Variants in ARID1B observed in about 807,000 individuals in gnomAD.
The protein encoded by ARID1B is AT-rich interactive domain-containing protein 1B.
In ARID1B, 30 loss-of-function variants were observed where a neutral mutation model predicts 212.3. That is an observed-to-expected ratio of 0.14 (90% CI 0.11 to 0.19). The LOEUF is 0.19. Ranked by LOEUF, ARID1B falls within the 10% of genes least tolerant of loss-of-function variation. The pLI is 1.00. For missense variants in ARID1B, 2,891 were observed against 3,204.0 expected (o/e 0.90, Z 2.36); for synonymous variants, 1,402 against 1,301.7 (o/e 1.08, Z -1.66).
chr6:156,917,580 G>C (rs1258133535), intron 3 of ARID1B, among the ~76,000 whole-genome samples: 1 of 152,208 alleles, frequency 6.6e-6, no homozygotes, highest in African/African-American at 2.4e-5. Flanking sequence ...CTGGGATAGG[G>C]CCAGTTCCTT....
At position 157,209,315 on chromosome 6, in the gene ARID1B, G is replaced by C. The variant is rs1794665921; in HGVS notation, c.*1424G>C. The C allele has an allele frequency of 4.3e-6, 1 of 232,084 alleles. No individual in the cohort carries two copies. The highest frequency in any genetic ancestry group is 8.5e-6 in the Non-Finnish European group (1 of 117,248). The allele number at this position is 232,084 out of a possible 1,614,324, so 14.4% of individuals were successfully genotyped here. ...CTAGTTTCCTTAAAGTGGTTTCCTA[G>C]TAATCAAGTTATTTACAAGAAATAG... is the stretch of plus-strand genomic sequence containing the variant. On this transcript the variant is annotated 3_prime_UTR_variant, in exon 20 of 20. Coordinates refer to ENST00000636930, the MANE Select transcript of ARID1B (RefSeq NM_001374828.1).
In ARID1B at chr6:156,987,987, A is replaced by G. The variant is rs75520354; in HGVS notation, c.2247+52411A>G. Among the ~76,000 whole-genome samples the G allele has an allele frequency of 3.9e-5, 6 of 152,332 alleles. No individual in the cohort carries two copies. In the East Asian group the frequency reaches 1.2e-3, roughly 29 times the overall value. On this transcript the variant is annotated intron_variant, in intron 4 of 19. Transcript: ENST00000636930. ...TGTGTGCATGATGGTGATGTTGGGG[A>G]TAATGGAATATCGTGGAAATGGTCA...
Position 157,148,910 on chromosome 6 carries a change from C to G in ARID1B, c.3048C>G (p.Ala1016=). ...TGAACCGTAAGGCACAGGAGGCAGCCGCAGCAGTGATGCAGGCTGCTGCGA... is the reference window on the plus strand; with the variant it reads ...TGAACCGTAAGGCACAGGAGGCAGCGGCAGCAGTGATGCAGGCTGCTGCGA... The part of the protein sequence containing the change: ...PTVNRKAQEA[A]AAVMQAAANS... Residue 1016 remains alanine (A), a synonymous_variant, in exon 8 of 20, where the codon GCC becomes GCG. Coordinates refer to ENST00000636930, the MANE Select transcript of ARID1B (RefSeq NM_001374828.1). The surrounding 1 kb of genome is among the most constrained non-coding windows in gnomAD (Gnocchi z 5.6). 1 of 1,612,700 alleles carries G rather than the reference C, an allele frequency of 6.2e-7. No homozygotes were observed. Among genetic ancestry groups the G allele is most frequent in the Non-Finnish European group, 8.5e-7 (1 of 1,179,858 alleles).
At chr6:156,937,764 T>C (rs1792368437) in intron 4 of ARID1B, 1 of 152,234 alleles carries the variant, frequency 6.6e-6, no homozygotes, top group African/African-American at 2.4e-5. Context: ...TGAATTGTTC[T>C]ATTTCTGTCT....
chr6:156,888,887 G>A (rs1000657570), intron 2 of ARID1B, among the ~76,000 whole-genome samples: 3 of 152,150 alleles, frequency 2.0e-5, no homozygotes, highest in African/African-American at 7.2e-5. Flanking sequence ...AAAAATGACT[G>A]TATATTTGGT....
At chr6:156,897,869 TA>T (rs1788613962) in intron 2 of ARID1B, among the ~76,000 whole-genome samples, 1 of 152,176 alleles carries the variant, frequency 6.6e-6, no homozygotes, top group South Asian at 2.1e-4. Flanking sequence ...CTTGATTCGT[TA>T]AAATTTTTCA....
Position 156,778,058 on chromosome 6 carries a change from G to A in ARID1B, c.378G>A (p.Ala126=), listed in dbSNP as rs1473774476. Residue 126 remains alanine, a synonymous_variant, in exon 1 of 20, where the codon GCG becomes GCA. Coordinates refer to ENST00000636930, the MANE Select transcript of ARID1B (RefSeq NM_001374828.1). Reference sequence around the variant, plus strand: ...CCTCCTCCTCCTCCTCCTCCGCGGCGGCAGCGGCGGCATCCTCTTCCTCCT... The same window carrying A: ...CCTCCTCCTCCTCCTCCTCCGCGGCAGCAGCGGCGGCATCCTCTTCCTCCT... ...ALSSSSSSSA[A]AAAASSSSSS... The A allele has an allele frequency of 1.3e-6, 2 of 1,534,474 alleles. No homozygotes were observed. The highest frequency in any genetic ancestry group is 3.9e-5 in the Admixed American group (2 of 50,816).
chr6:157,031,294 G>A (rs1372090352), intron 4 of ARID1B, among the ~76,000 whole-genome samples: 1 of 152,154 alleles, frequency 6.6e-6, no homozygotes, highest in Non-Finnish European at 1.5e-5. Context: ...TATGATTAAT[G>A]GAATAGGTTG....
chr6:156,940,678 A>T (rs546125391), intron 4 of ARID1B: 2 of 152,336 alleles, frequency 1.3e-5, no homozygotes, highest in South Asian at 4.1e-4. Flanking sequence ...ATCTTTAATG[A>T]CACTTACGTT....
chr6:156,936,905 A>G (rs989886722), intron 4 of ARID1B: 2 of 152,180 alleles, frequency 1.3e-5, no homozygotes, highest in African/African-American at 2.4e-5. Flanking sequence ...GTACCATACC[A>G]TATACATTTT....
At chr6:157,135,566 C>T (rs1473168816) in intron 7 of ARID1B, among the ~76,000 whole-genome samples, 2 of 152,116 alleles carry the variant, frequency 1.3e-5, no homozygotes, top group Admixed American at 6.5e-5. Flanking sequence ...CATATGTGCT[C>T]CTGGGTTCCT....
At chr6:157,157,262 C>A (rs138008683) in intron 8 of ARID1B, among the ~76,000 whole-genome samples, 136 of 152,302 alleles carry the variant, frequency 8.9e-4, no homozygotes, top group African/African-American at 3.2e-3. Context: ...CCCATAGATA[C>A]ACACTTACAC....
At chr6:156,958,229 C>T (rs898250476) in intron 4 of ARID1B, among the ~76,000 whole-genome samples, 1 of 152,132 alleles carries the variant, frequency 6.6e-6, no homozygotes, top group African/African-American at 2.4e-5. Flanking sequence ...AGTCACAGCT[C>T]CACACCTAGG....
intron 1 of ARID1B, among the ~76,000 whole-genome samples, chr6:156,780,749 C>T (rs941001342): frequency 3.9e-5 from 6 of 152,174 alleles, no homozygotes; most frequent in African/African-American, 1.4e-4. Context: ...AAAAACAGTT[C>T]GCTGGTGTCC....
intron 3 of ARID1B, among the ~76,000 whole-genome samples, chr6:156,934,750 A>G (rs192977523): frequency 1.6e-4 from 25 of 151,642 alleles, no homozygotes; most frequent in African/African-American, 4.4e-4. Context: ...TCGGAATTCA[A>G]CAATCCAGGG....
At chr6:157,010,275 C>A (rs1779494259) in intron 4 of ARID1B, among the ~76,000 whole-genome samples, 1 of 98,622 alleles carries the variant, frequency 1.0e-5, no homozygotes, top group African/African-American at 3.9e-5. Context: ...TTATGCATTG[C>A]CTGTTTTTTT....
chr6:156,808,934 T>C (rs888269640), intron 1 of ARID1B, among the ~76,000 whole-genome samples: 1 of 152,226 alleles, frequency 6.6e-6, no homozygotes, highest in Non-Finnish European at 1.5e-5. Flanking sequence ...CGAGTTTGTT[T>C]TATCTGTGTG....
intron 1 of ARID1B, among the ~76,000 whole-genome samples, chr6:156,797,203 G>T (rs944386525): frequency 9.2e-5 from 14 of 152,218 alleles, no homozygotes; most frequent in African/African-American, 3.4e-4. Flanking sequence ...ACAAAACCTA[G>T]TCCCTACTTT....
At chr6:156,918,665 G>A (rs1194099445) in intron 3 of ARID1B, among the ~76,000 whole-genome samples, 4 of 152,236 alleles carry the variant, frequency 2.6e-5, no homozygotes, top group East Asian at 1.9e-4. Flanking sequence ...GTAAGCATCC[G>A]AGGAGACAAC....
Sources: gnomAD v4.1 joint callset for allele counts (sites outside exome capture counted in the v4.1 genomes callset) on GRCh38, gnomAD v4.1.1 for gene constraint, Gnocchi (gnomAD v3.1) non-coding constraint, MANE v1.5 for transcripts, NCBI Gene and HGNC (gene_info 2026-07-23, HGNC 2026-07-21) for gene names.